NOPCHAP1: variants seen among roughly 807,000 people sequenced by gnomAD.
NOPCHAP1 encodes the protein NOP protein chaperone 1.
In NOPCHAP1, 13 loss-of-function variants were observed where a neutral mutation model predicts 14.0. That is an observed-to-expected ratio of 0.93 (90% CI 0.60 to 1.47). The LOEUF (loss-of-function observed/expected upper bound fraction) is 1.47. NOPCHAP1 is among the 40% of genes most tolerant of loss of function. The pLI, the probability that NOPCHAP1 is intolerant of heterozygous loss-of-function variation, is 0.00. For synonymous variants in NOPCHAP1, 78 were observed against 78.4 expected (o/e 1.00, Z 0.03); for missense variants, 230 against 226.9 (o/e 1.01, Z -0.09).
chr12:104,991,723 G>A lies in NOPCHAP1; in HGVS notation c.214G>A (p.Val72Ile). The A allele has an allele frequency of 1.9e-6, 3 of 1,612,492 alleles. No individual in the cohort carries two copies. The highest frequency in any genetic ancestry group is 2.5e-6 in the Non-Finnish European group (3 of 1,179,614). Reference protein sequence around the residue: ...RIERSPLLDQVQTFLPQMARA... With the variant: ...RIERSPLLDQIQTFLPQMARA... ...TTTACTTTCCACAGTATTGGACCAG[G>A]TACAGACATTTCTCCCACAGATGGC... Residue 72 changes from valine to isoleucine, a missense_variant, in exon 3 of 4, where the codon GTA becomes ATA. Physicochemically the swap from Val to Ile is conservative, Grantham distance 29. Coordinates refer to ENST00000552951, the MANE Select transcript of NOPCHAP1 (RefSeq NM_152318.3).
At chr12:104,993,195 G>A (rs17036566) in intron 3 of NOPCHAP1, among the ~76,000 whole-genome samples, 2,755 of 151,780 alleles carry the variant, frequency 0.018, 83 homozygotes, top group African/African-American at 0.062. Context: ...CCTTTCTTTC[G>A]CCTCTGGAAC....
chr12:104,994,549 C>T lies in NOPCHAP1; in HGVS notation c.411C>T (p.Asp137=), dbSNP rs374710696. The T allele has an allele frequency of 2.7e-5, 44 of 1,612,980 alleles. No individual in the cohort carries two copies. Among genetic ancestry groups the T allele is most frequent in the Non-Finnish European group, 3.6e-5 (42 of 1,179,450 alleles). Reference sequence around the variant, plus strand: ...ACAGTTCAGAAGAGAGTTCACAAGACAGTTCAGAGAACAGTTCAGAATCAG... The same window carrying T: ...ACAGTTCAGAAGAGAGTTCACAAGATAGTTCAGAGAACAGTTCAGAATCAG... ...EVDSSEESSQ[D]SSENSSESED... is the part of the protein sequence containing the mutation. The change falls in exon 4 of 4, where the codon GAC becomes GAT. Residue 137 remains aspartate, a synonymous_variant. Transcript: ENST00000552951.
rs1455890236 is a variant in NOPCHAP1 at position 105,007,187 on chromosome 12, T to A, written c.*12491T>A. 2 of 152,216 alleles carry A rather than the reference T, an allele frequency of 1.3e-5. No individual in the cohort carries two copies. Among genetic ancestry groups the A allele is most frequent in the Non-Finnish European group, 1.5e-5 (1 of 68,032 alleles). The allele number at this position is 152,216 out of a possible 1,614,324, so 9.4% of individuals were successfully genotyped here. ...ATATGAGAGTCTGTAGCCTTTTTGA[T>A]AGCAATCCTGTACCCACATAAAAGC... is the stretch of plus-strand genomic sequence containing the variant. On this transcript the variant is annotated 3_prime_UTR_variant, in exon 4 of 4. Coordinates refer to ENST00000552951, the MANE Select transcript of NOPCHAP1 (RefSeq NM_152318.3).
rs1873871667 is a variant in NOPCHAP1, at chr12:105,013,258, C to T, written c.*18562C>T. The stretch of plus-strand genomic sequence containing the variant: ...GTGGGCTCTGCCCAATTTGAATTTC[C>T]CTGTGGCTTTATTTACACTGTGAGG... On this transcript the variant is annotated 3_prime_UTR_variant, in exon 4 of 4. Coordinates refer to ENST00000552951, the MANE Select transcript of NOPCHAP1 (RefSeq NM_152318.3). 1.3e-5 allele frequency: 2 copies of T among 152,226 alleles called. No individual in the cohort carries two copies. Among genetic ancestry groups the T allele is most frequent in the Non-Finnish European group, 2.9e-5 (2 of 68,074 alleles). The allele number at this position is 152,226 out of a possible 1,614,324, so 9.4% of individuals were successfully genotyped here. A position where few individuals can be genotyped will look rare whatever the true frequency, so the allele number is the denominator to read the frequency against.
In NOPCHAP1 at chr12:105,003,937, A is replaced by G. The variant is rs148224126; in HGVS notation, c.*9241A>G. 1.1e-4 allele frequency: 17 copies of G among 152,348 alleles called. No individual in the cohort carries two copies. In the East Asian group the frequency reaches 3.3e-3, roughly 29 times the overall value. 9.4% of individuals were successfully genotyped at this position (152,348 alleles called of 1,614,324 possible). A position where few individuals can be genotyped will look rare whatever the true frequency, so the allele number is the denominator to read the frequency against. Reference sequence around the variant, plus strand: ...GGCTTAAACCTAGCTATTCGTTACAAAAGTATTCTGCTAAGTTAGGTTTTG... The same window carrying G: ...GGCTTAAACCTAGCTATTCGTTACAGAAGTATTCTGCTAAGTTAGGTTTTG... On this transcript the variant is annotated 3_prime_UTR_variant, in exon 4 of 4. Coordinates refer to ENST00000552951, the MANE Select transcript of NOPCHAP1 (RefSeq NM_152318.3).
At position 105,004,984 on chromosome 12, in the gene NOPCHAP1, T is replaced by A. The variant is rs1209828744; in HGVS notation, c.*10288T>A. On this transcript the variant is annotated 3_prime_UTR_variant, in exon 4 of 4. Transcript: ENST00000552951. ...CAGGAAGAGAAATATATACTTACTG[T>A]TCTTTAAATGGAAGTGGATCATCAT... The A allele has an allele frequency of 6.6e-6, 1 of 152,198 alleles. No homozygotes were observed. The highest frequency in any genetic ancestry group is 6.5e-5 in the Admixed American group (1 of 15,288). 9.4% of individuals were successfully genotyped at this position (152,198 alleles called of 1,614,324 possible). A position where few individuals can be genotyped will look rare whatever the true frequency, so the allele number is the denominator to read the frequency against.
intron 3 of NOPCHAP1, among the ~76,000 whole-genome samples, chr12:104,992,303 A>C (rs11112281): frequency 0.074 from 11,299 of 152,296 alleles, 460 homozygotes; most frequent in Middle Eastern, 0.092. Flanking sequence ...ATTGTTAATA[A>C]TATCTAATTC....
rs907946334 is a variant in NOPCHAP1, at chr12:104,991,974, A to G, written c.339+126A>G. 2.2e-5 allele frequency: 24 copies of G among 1,099,198 alleles called. 1 individual carries two copies. The highest frequency in any genetic ancestry group is 1.1e-4 in the East Asian group (4 of 36,806). 68.1% of individuals were successfully genotyped at this position (1,099,198 alleles called of 1,614,324 possible). On this transcript the variant is annotated intron_variant, in intron 3 of 3. Coordinates refer to ENST00000552951, the MANE Select transcript of NOPCHAP1 (RefSeq NM_152318.3). ...TGTTAGCTCATGTTTCCAATGTTGTATAGGTACATAGTCATTTTATGATTT... is the reference window on the plus strand; with the variant it reads ...TGTTAGCTCATGTTTCCAATGTTGTGTAGGTACATAGTCATTTTATGATTT...
At chr12:104,991,334 A>C (rs1565938623) in intron 2 of NOPCHAP1, among the ~76,000 whole-genome samples, 1 of 152,234 alleles carries the variant, frequency 6.6e-6, no homozygotes, top group Non-Finnish European at 1.5e-5. Flanking sequence ...AACTGGCCCA[A>C]GGTAATTCAG....
Position 105,005,498 on chromosome 12 carries a change from T to C in NOPCHAP1, c.*10802T>C, listed in dbSNP as rs547436211. The C allele has an allele frequency of 6.6e-6, 1 of 152,272 alleles. No individual in the cohort carries two copies. Among genetic ancestry groups the C allele is most frequent in the South Asian group, 2.1e-4 (1 of 4,828 alleles). The allele number at this position is 152,272 out of a possible 1,614,324, so 9.4% of individuals were successfully genotyped here. ...AGTTACACCCTATGCAAACATCTGATTGGTTGTGGAAGGTGAAGTGAAGTT... is the reference window on the plus strand; with the variant it reads ...AGTTACACCCTATGCAAACATCTGACTGGTTGTGGAAGGTGAAGTGAAGTT... On this transcript the variant is annotated 3_prime_UTR_variant, in exon 4 of 4. Coordinates refer to ENST00000552951, the MANE Select transcript of NOPCHAP1 (RefSeq NM_152318.3).
Position 105,011,560 on chromosome 12 carries a change from A to C in NOPCHAP1, c.*16864A>C, listed in dbSNP as rs928748726. The C allele has an allele frequency of 2.0e-5, 3 of 152,142 alleles. No homozygotes were observed. The highest frequency in any genetic ancestry group is 4.4e-5 in the Non-Finnish European group (3 of 68,038). The allele number at this position is 152,142 out of a possible 1,614,324, so 9.4% of individuals were successfully genotyped here. ...CATTATGATGGTTATTTTTCCCATTAATTGATGCAGTTTCTTCATAGTGTT... is the reference window on the plus strand; with the variant it reads ...CATTATGATGGTTATTTTTCCCATTCATTGATGCAGTTTCTTCATAGTGTT... On this transcript the variant is annotated 3_prime_UTR_variant, in exon 4 of 4. Coordinates refer to ENST00000552951, the MANE Select transcript of NOPCHAP1 (RefSeq NM_152318.3).
intron 3 of NOPCHAP1, among the ~76,000 whole-genome samples, chr12:104,993,099 C>A (rs748959810): frequency 6.6e-6 from 1 of 152,210 alleles, no homozygotes; most frequent in African/African-American, 2.4e-5. Context: ...GAGGCCTTCC[C>A]TGATAGCTGT....
intron 2 of NOPCHAP1, 26 bp from the exon 3 acceptor site, chr12:104,991,686 T>C: frequency 6.4e-7 from 1 of 1,570,046 alleles, no homozygotes; most frequent in Non-Finnish European, 8.6e-7. Context: ...GCATAAATGT[T>C]GATATGCTGT....
rs1411189992 is a variant in NOPCHAP1, at chr12:105,006,496, A to C, written c.*11800A>C. On this transcript the variant is annotated 3_prime_UTR_variant, in exon 4 of 4. Coordinates refer to ENST00000552951, the MANE Select transcript of NOPCHAP1 (RefSeq NM_152318.3). The stretch of plus-strand genomic sequence containing the variant: ...TAATATCAAAAGAACTATAAAAGAC[A>C]GTTCCTTATTTGCAAGATACTTCTT... 1 of 152,212 alleles carries C rather than the reference A, an allele frequency of 6.6e-6. No homozygotes were observed. The highest frequency in any genetic ancestry group is 2.4e-5 in the African/African-American group (1 of 41,448). 9.4% of individuals were successfully genotyped at this position (152,212 alleles called of 1,614,324 possible).
intron 3 of NOPCHAP1, among the ~76,000 whole-genome samples, chr12:104,993,673 G>A (rs1255112750): frequency 2.0e-5 from 3 of 152,116 alleles, no homozygotes; most frequent in South Asian, 2.1e-4. Flanking sequence ...TTCACCTTTC[G>A]TGAATAGCAG....
rs576980308 is a variant in NOPCHAP1 at position 104,997,223 on chromosome 12, C to T, written c.*2527C>T. ...AGTGTGTTTTTGTAGCGGCTGGTAA[C>T]CCAGTCTTTCCTTTATATAGTTAGC... On this transcript the variant is annotated 3_prime_UTR_variant, in exon 4 of 4. Transcript: ENST00000552951. 14 of 152,266 alleles carry T rather than the reference C, an allele frequency of 9.2e-5. No homozygotes were observed. The highest frequency in any genetic ancestry group is 1.6e-4 in the Non-Finnish European group (11 of 68,022). The allele number at this position is 152,266 out of a possible 1,614,324, so 9.4% of individuals were successfully genotyped here. A position where few individuals can be genotyped will look rare whatever the true frequency, so the allele number is the denominator to read the frequency against.
chr12:104,986,716 G>T (rs551519512), intron 1 of NOPCHAP1, among the ~76,000 whole-genome samples: 47 of 152,288 alleles, frequency 3.1e-4, no homozygotes, highest in African/African-American at 1.1e-3. Flanking sequence ...GGTAGTGAGC[G>T]CCCACCCTGC....
chr12:104,991,273 C>G (rs1415233760), intron 2 of NOPCHAP1, among the ~76,000 whole-genome samples: 1 of 152,160 alleles, frequency 6.6e-6, no homozygotes, highest in East Asian at 1.9e-4. Flanking sequence ...GTTATATTAT[C>G]AGAAGAAAGG....
At chr12:104,991,973 T>G in intron 3 of NOPCHAP1, 125 bp downstream of exon 3, 1 of 1,134,232 alleles carries the variant, frequency 8.8e-7, no homozygotes, top group Non-Finnish European at 1.2e-6. Context: ...TCCAATGTTG[T>G]ATAGGTACAT....
Sources: gnomAD v4.1 joint callset for allele counts (sites outside exome capture counted in the v4.1 genomes callset) on GRCh38, gnomAD v4.1.1 for gene constraint, MANE v1.5 for transcripts, NCBI Gene and HGNC (gene_info 2026-07-23, HGNC 2026-07-21) for gene names.